Variants in STXBP5L observed in about 807,000 individuals in gnomAD.
STXBP5L encodes the protein syntaxin-binding protein 5-like.
STXBP5L carries 65 observed loss-of-function variants against 144.5 expected under a neutral mutation model. The observed-to-expected ratio is 0.45, with a 90% confidence interval of 0.37 to 0.55. The LOEUF is 0.55. Among genes scored for constraint, STXBP5L ranks in the 20% least tolerant of loss-of-function variants. STXBP5L has a pLI of 0.00. For synonymous variants in STXBP5L, 505 were observed against 469.6 expected (o/e 1.08, Z -0.97); for missense variants, 1,298 against 1,405.5 (o/e 0.92, Z 1.22).
chr3:121,047,206 G>A (rs1288419422), intron 5 of STXBP5L, among the ~76,000 whole-genome samples: 1 of 151,972 alleles, frequency 6.6e-6, no homozygotes, highest in African/African-American at 2.4e-5. Context: ...TTGCATTATG[G>A]CCTGAGAGTG....
intron 20 of STXBP5L, among the ~76,000 whole-genome samples, chr3:121,359,822 C>T (rs1249795048): frequency 6.6e-6 from 1 of 151,532 alleles, no homozygotes; most frequent in Non-Finnish European, 1.5e-5. Context: ...GTTTTTATGC[C>T]AGTACCATGC....
At chr3:121,355,589 A>C (rs111845906) in intron 20 of STXBP5L, among the ~76,000 whole-genome samples, 2 of 151,868 alleles carry the variant, frequency 1.3e-5, no homozygotes, top group Non-Finnish European at 2.9e-5. Flanking sequence ...ATTTCTTCTA[A>C]CCTTTTTTCA....
intron 5 of STXBP5L, chr3:121,099,581 A>T (rs2043309411): frequency 6.5e-6 from 1 of 153,240 alleles, no homozygotes; most frequent in African/African-American, 2.4e-5. Context: ...CTCAGAATAG[A>T]GGGAACACTT....
chr3:121,004,029 G>A (rs1167888296), intron 3 of STXBP5L, among the ~76,000 whole-genome samples: 1 of 152,034 alleles, frequency 6.6e-6, no homozygotes, highest in Non-Finnish European at 1.5e-5. Context: ...ACTTGGCAAT[G>A]CAGGCTCTTT....
intron 7 of STXBP5L, among the ~76,000 whole-genome samples, chr3:121,129,638 A>T (rs1478856362): frequency 6.6e-6 from 1 of 151,996 alleles, no homozygotes; most frequent in East Asian, 1.9e-4. Flanking sequence ...GAAAGAAAGG[A>T]CTGCAGTGTA....
chr3:121,126,503 TCA>T (rs1175437174), intron 7 of STXBP5L, among the ~76,000 whole-genome samples: 3 of 152,180 alleles, frequency 2.0e-5, no homozygotes, highest in African/African-American at 7.2e-5. Flanking sequence ...TGCAGTGACA[TCA>T]CAGTTACTTT....
intron 3 of STXBP5L, among the ~76,000 whole-genome samples, chr3:121,003,648 A>G (rs1331225290): frequency 1.3e-5 from 2 of 152,182 alleles, no homozygotes; most frequent in African/African-American, 4.8e-5. Context: ...ACTGAATGGT[A>G]TTGCCTAGGT....
intron 6 of STXBP5L, among the ~76,000 whole-genome samples, chr3:121,116,671 G>C (rs998755966): frequency 6.6e-6 from 1 of 151,840 alleles, no homozygotes; most frequent in African/African-American, 2.4e-5. Flanking sequence ...TGCTCATTTT[G>C]TTGTTCTGTG....
At chr3:120,990,241 A>G (rs1277443525) in intron 3 of STXBP5L, among the ~76,000 whole-genome samples, 1 of 152,200 alleles carries the variant, frequency 6.6e-6, no homozygotes, top group African/African-American at 2.4e-5. Context: ...CTAGGAATCC[A>G]ACTTACAAGG....
intron 3 of STXBP5L, among the ~76,000 whole-genome samples, chr3:121,035,174 C>G (rs756595841): frequency 6.6e-6 from 1 of 152,110 alleles, no homozygotes; most frequent in Non-Finnish European, 1.5e-5. Context: ...GCTATTCGTT[C>G]TGTTGATTGT....
chr3:121,274,777 T>G (rs2050831545), intron 18 of STXBP5L, among the ~76,000 whole-genome samples: 1 of 152,176 alleles, frequency 6.6e-6, no homozygotes, highest in Admixed American at 6.5e-5. Context: ...AATGCCATGA[T>G]GACTTGGTCC....
intron 20 of STXBP5L, among the ~76,000 whole-genome samples, chr3:121,353,209 G>A (rs2045369005): frequency 1.3e-5 from 2 of 152,160 alleles, no homozygotes; most frequent in South Asian, 2.1e-4. Flanking sequence ...AATGAGTTTG[G>A]GAGGATCCCC....
At chr3:121,113,166 C>T (rs2044071763) in intron 5 of STXBP5L, among the ~76,000 whole-genome samples, 1 of 152,178 alleles carries the variant, frequency 6.6e-6, no homozygotes, top group Admixed American at 6.5e-5. Context: ...AGTTCTTACA[C>T]TTTTCTTCTT....
At chr3:121,206,832 C>T (rs1489953287) in intron 10 of STXBP5L, among the ~76,000 whole-genome samples, 1 of 151,928 alleles carries the variant, frequency 6.6e-6, no homozygotes, top group African/African-American at 2.4e-5. Context: ...AAAAAAGTAG[C>T]CATATCCTAT....
chr3:121,002,531 A>T (rs1943870812), intron 3 of STXBP5L, among the ~76,000 whole-genome samples: 1 of 152,184 alleles, frequency 6.6e-6, no homozygotes, highest in Non-Finnish European at 1.5e-5. Flanking sequence ...GCAGAAACTC[A>T]GTTTGATATA....
intron 8 of STXBP5L, among the ~76,000 whole-genome samples, chr3:121,154,412 T>C (rs574287003): frequency 1.8e-4 from 28 of 151,914 alleles, no homozygotes; most frequent in African/African-American, 6.7e-4. Context: ...AGTGACCTCT[T>C]CCAAGCCTTT....
chr3:121,232,344 A>T (rs2049336341), intron 11 of STXBP5L, among the ~76,000 whole-genome samples: 1 of 152,178 alleles, frequency 6.6e-6, no homozygotes, highest in Admixed American at 6.6e-5. Flanking sequence ...GGAAGTTGAT[A>T]AGAAAGGAGC....
At chr3:121,401,237 G>T (rs903248877) in intron 22 of STXBP5L, among the ~76,000 whole-genome samples, 1 of 152,074 alleles carries the variant, frequency 6.6e-6, no homozygotes, top group Admixed American at 6.6e-5. Context: ...AATCTCCACT[G>T]TTTCTTCTGA....
chr3:121,179,931 T>C lies in STXBP5L; in HGVS notation c.877+22304T>C, dbSNP rs191267897. Among the ~76,000 whole-genome samples the C allele has an allele frequency of 5.3e-5, 8 of 152,234 alleles. No homozygotes were observed. The East Asian group carries it at 1.5e-3, about 29-fold the overall frequency. ...AGATGAACCAAGTCTCCAAGAAATA[T>C]AGGATCATGTGAAATGGCCAAACCT... On this transcript the variant is annotated intron_variant, in intron 9 of 26. Transcript: ENST00000471454.
Sources: allele counts gnomAD v4.1 joint callset (sites outside exome capture counted in the v4.1 genomes callset), GRCh38; gene constraint gnomAD v4.1.1; transcripts MANE v1.5; gene names NCBI Gene and HGNC (gene_info 2026-07-23, HGNC 2026-07-21).